Variants in DPP6 observed in about 807,000 individuals in gnomAD.
The protein encoded by DPP6 is dipeptidyl peptidase like 6.
DPP6 carries 69 observed loss-of-function variants against 122.6 expected under a neutral mutation model. The ratio of observed to expected loss-of-function variants is 0.56; its 90% confidence interval spans 0.46 to 0.69. The LOEUF is 0.69. Ranked by LOEUF, DPP6 falls within the 30% of genes least tolerant of loss-of-function variation. The pLI, the probability that DPP6 is intolerant of heterozygous loss-of-function variation, is 0.00. For missense variants in DPP6, 928 were observed against 1,116.9 expected (o/e 0.83, Z 2.41); for synonymous variants, 418 against 433.1 (o/e 0.97, Z 0.43).
At chr7:154,803,346 C>T (rs191831772) in intron 13 of DPP6, among the ~76,000 whole-genome samples, 13 of 152,284 alleles carry the variant, frequency 8.5e-5, no homozygotes, top group Admixed American at 7.8e-4. Context: ...TAGGGAAAGA[C>T]AATGCGTGCA....
At chr7:154,074,071 A>T (rs1385269161) in intron 1 of DPP6, among the ~76,000 whole-genome samples, 2 of 151,654 alleles carry the variant, frequency 1.3e-5, no homozygotes, top group African/African-American at 4.9e-5. Context: ...CCATATATAC[A>T]TATAGAGAGA....
At chr7:153,875,407 AG>A in the DPP6 span, among the ~76,000 whole-genome samples, 1 of 152,166 alleles carries the variant, frequency 6.6e-6, no homozygotes, top group Non-Finnish European at 1.5e-5. Context: ...AGATGACTTA[AG>A]AAGAGAAGAA....
intron 1 of DPP6, among the ~76,000 whole-genome samples, chr7:153,932,565 T>C (rs1477345764): frequency 2.0e-5 from 3 of 152,142 alleles, no homozygotes; most frequent in Admixed American, 2.0e-4. Context: ...TTGTCTTCTC[T>C]CATGTGTGGC....
chr7:154,180,454 A>G (rs1327336601), intron 1 of DPP6, among the ~76,000 whole-genome samples: 1 of 145,010 alleles, frequency 6.9e-6, no homozygotes, highest in African/African-American at 2.6e-5. Context: ...TTTATATATT[A>G]TATATAGATA....
rs1418906776 is a variant in DPP6 at position 153,892,959 on chromosome 7, A to C, written c.51+5225A>C. Among the ~76,000 whole-genome samples, 7 of 152,176 alleles carry C rather than the reference A, an allele frequency of 4.6e-5. 1 individual carries two copies. The highest frequency in any genetic ancestry group is 1.0e-4 in the Non-Finnish European group (7 of 68,028). On this transcript the variant is annotated intron_variant, in intron 1 of 25. Transcript: ENST00000404039. ...AAATATTGATTAATCCCATCTGTGCAGGAAACAGTAGCTAGGCATGGGTCT... is the reference window on the plus strand; with the variant it reads ...AAATATTGATTAATCCCATCTGTGCCGGAAACAGTAGCTAGGCATGGGTCT...
intron 6 of DPP6, among the ~76,000 whole-genome samples, chr7:154,660,314 C>T (rs1467692892): frequency 7.2e-6 from 1 of 139,404 alleles, no homozygotes; most frequent in Non-Finnish European, 1.5e-5. Context: ...GCGTATTGGC[C>T]GTAGTGTTCA....
chr7:154,706,107 T>C (rs757660799), intron 7 of DPP6, among the ~76,000 whole-genome samples: 1 of 152,218 alleles, frequency 6.6e-6, no homozygotes, highest in Non-Finnish European at 1.5e-5. Context: ...CGCCCTTCAG[T>C]GACTCCCATT....
At chr7:154,350,648 C>G (rs577239073) in intron 1 of DPP6, among the ~76,000 whole-genome samples, 1 of 152,206 alleles carries the variant, frequency 6.6e-6, no homozygotes, top group East Asian at 1.9e-4. Flanking sequence ...TATCACTGCT[C>G]TGCCTTGAAC....
intron 5 of DPP6, among the ~76,000 whole-genome samples, chr7:154,616,927 A>T (rs1834299710): frequency 6.6e-6 from 1 of 152,242 alleles, no homozygotes; most frequent in African/African-American, 2.4e-5. Flanking sequence ...AAGAAAAAAC[A>T]ACAGCTGCAA....
chr7:154,851,374 T>C (rs996085957), intron 16 of DPP6, among the ~76,000 whole-genome samples: 1 of 152,238 alleles, frequency 6.6e-6, no homozygotes, highest in Admixed American at 6.5e-5. Context: ...AAATAAATAA[T>C]AATTGTTTAC....
chr7:154,697,453 C>G (rs1840284740), intron 7 of DPP6, among the ~76,000 whole-genome samples: 1 of 152,254 alleles, frequency 6.6e-6, no homozygotes, highest in Non-Finnish European at 1.5e-5. Context: ...AGCCCAGGAT[C>G]CTGCACAGCC....
chr7:154,569,326 T>C (rs1019413286), intron 5 of DPP6, among the ~76,000 whole-genome samples: 1 of 152,024 alleles, frequency 6.6e-6, no homozygotes, highest in African/African-American at 2.4e-5. Flanking sequence ...AATAGTATAA[T>C]CAATTAAAAA....
At chr7:154,163,502 C>A (rs529171078) in intron 1 of DPP6, among the ~76,000 whole-genome samples, 4 of 152,356 alleles carry the variant, frequency 2.6e-5, no homozygotes, top group Admixed American at 6.5e-5. Flanking sequence ...TTAGACATAT[C>A]TGTTCTGAAA....
chr7:154,422,372 A>G (rs144234570), intron 1 of DPP6, among the ~76,000 whole-genome samples: 1 of 152,296 alleles, frequency 6.6e-6, no homozygotes, highest in Non-Finnish European at 1.5e-5. Context: ...AAATTTGTGT[A>G]TGTGGGTGGG....
Position 154,481,658 on chromosome 7 carries a change from T to C in DPP6, c.457+6621T>C, listed in dbSNP as rs913766420. On this transcript the variant is annotated intron_variant, in intron 3 of 25. Transcript: ENST00000377770. The surrounding 1 kb of genome is among the most constrained non-coding windows in gnomAD (Gnocchi z 4.2). Reference sequence around the variant, plus strand: ...GGATTGCTTCAGAAGTCCATCTTCTTTTCCCCCAGAGTGGCTCTTACATAG... The same window carrying C: ...GGATTGCTTCAGAAGTCCATCTTCTCTTCCCCCAGAGTGGCTCTTACATAG... Among the ~76,000 whole-genome samples, 10 of 152,130 alleles carry C rather than the reference T, an allele frequency of 6.6e-5. No individual in the cohort carries two copies. Among genetic ancestry groups the C allele is most frequent in the African/African-American group, 2.4e-4 (10 of 41,434 alleles).
rs546261021 is a variant in DPP6, at chr7:154,464,657, G to A, written c.359-10282G>A. The stretch of plus-strand genomic sequence containing the variant: ...TTTTCTTGAGGCATTCCAGTCAAGT[G>A]GACTTTTCTTAAAATTCATTAATAG... On this transcript the variant is annotated intron_variant, in intron 2 of 25. Transcript: ENST00000377770. Among the ~76,000 whole-genome samples, 272 of 152,232 alleles carry A rather than the reference G, an allele frequency of 1.8e-3. 2 individuals carry two copies. Among genetic ancestry groups the A allele is most frequent in the African/African-American group, 6.2e-3 (258 of 41,530 alleles).
At chr7:154,063,288 GGA>G (rs1802325239) in intron 1 of DPP6, among the ~76,000 whole-genome samples, 1 of 121,060 alleles carries the variant, frequency 8.3e-6, no homozygotes, top group Non-Finnish European at 1.8e-5. Flanking sequence ...GAGGGGGGAG[GGA>G]CCCCCCATGA....
the DPP6 span, among the ~76,000 whole-genome samples, chr7:153,820,971 G>A: frequency 7.4e-5 from 11 of 147,790 alleles, no homozygotes; most frequent in African/African-American, 2.5e-4. Flanking sequence ...AACTAGCATT[G>A]ACACCGGCAA....
At chr7:154,829,237 G>T (rs1176700289) in intron 16 of DPP6, among the ~76,000 whole-genome samples, 6 of 151,524 alleles carry the variant, frequency 4.0e-5, no homozygotes, top group African/African-American at 1.5e-4. Context: ...ACAAAAATTA[G>T]CTGGCCATGG....
Sources: allele counts gnomAD v4.1 joint callset (sites outside exome capture counted in the v4.1 genomes callset), GRCh38; gene constraint gnomAD v4.1.1; non-coding constraint Gnocchi (gnomAD v3.1); transcripts MANE v1.5; gene names NCBI Gene and HGNC (gene_info 2026-07-23, HGNC 2026-07-21).